The following NPHP4 variants were observed in gnomAD, a reference collection of about 807,000 sequenced individuals.
NPHP4 encodes nephrocystin 4, also known as nephrocystin-4.
Under a neutral mutation model 155.8 loss-of-function variants are expected in NPHP4, and 151 were observed. That is an observed-to-expected ratio of 0.97 (90% CI 0.85 to 1.11). The LOEUF (loss-of-function observed/expected upper bound fraction) is 1.11. Among genes scored for constraint, NPHP4 ranks in the 50% least tolerant of loss-of-function variants. The pLI is 0.00. For missense variants in NPHP4, 1,956 were observed against 1,925.7 expected, an observed-to-expected ratio of 1.02 and a Z score of -0.29; for synonymous variants, 845 against 816.8, an observed-to-expected ratio of 1.03 and a Z score of -0.59.
rs190826158 is a variant in NPHP4, at chr1:5,927,569, G to A, written c.1441+80C>T. ...TACAAATGTGGTGATTACCGTACTA[G>A]ACTAAGTACCTTTCCCCGGGAAGAG... On this transcript the variant is annotated intron_variant, in intron 11 of 29. Coordinates refer to ENST00000378156, the MANE Select transcript of NPHP4 (RefSeq NM_015102.5). 1.3e-5 allele frequency: 19 copies of A among 1,425,226 alleles called. No homozygotes were observed. In the African/African-American group the frequency reaches 2.1e-4, roughly 16 times the overall value. The allele number at this position is 1,425,226 out of a possible 1,614,324, so 88.3% of individuals were successfully genotyped here.
intron 5 of NPHP4, among the ~76,000 whole-genome samples, chr1:5,966,688 C>T (rs563968180): frequency 9.2e-5 from 14 of 152,170 alleles, no homozygotes; most frequent in Non-Finnish European, 1.6e-4. Context: ...CCACACTCCC[C>T]CAACTGCTAG....
chr1:5,896,039 A>G (rs1052021824), intron 16 of NPHP4, among the ~76,000 whole-genome samples: 1 of 152,244 alleles, frequency 6.6e-6, no homozygotes, highest in Non-Finnish European at 1.5e-5. Flanking sequence ...GGAGCAGAAG[A>G]GTGTATTTGG....
At chr1:5,914,923 C>T (rs76912896) in intron 11 of NPHP4, among the ~76,000 whole-genome samples, 2 of 152,336 alleles carry the variant, frequency 1.3e-5, no homozygotes, top group East Asian at 1.9e-4. Flanking sequence ...TAGACCTCCC[C>T]CCCGCACCCT....
intron 19 of NPHP4, among the ~76,000 whole-genome samples, chr1:5,877,655 G>T (rs1335518765): frequency 6.6e-6 from 1 of 152,214 alleles, no homozygotes; most frequent in Non-Finnish European, 1.5e-5. Context: ...CCTTCACCCA[G>T]GGCTGCTGGC....
chr1:5,903,421 C>T lies in NPHP4; in HGVS notation c.2143+1196G>A, dbSNP rs74049310. 2.2e-3 allele frequency among the ~76,000 whole-genome samples: 330 copies of T among 152,284 alleles called. 1 individual carries two copies. Among genetic ancestry groups the T allele is most frequent in the African/African-American group, 7.7e-3 (319 of 41,548 alleles). ...ACTTCATTTGAGGTCAGCATTTTAA[C>T]ATCACTTTTCCCATCTGCCACTTTC... On this transcript the variant is annotated intron_variant, in intron 16 of 29. Transcript: ENST00000378156.
At chr1:5,909,663 G>A (rs1025332855) in intron 11 of NPHP4, among the ~76,000 whole-genome samples, 2 of 152,078 alleles carry the variant, frequency 1.3e-5, no homozygotes, top group African/African-American at 4.8e-5. Flanking sequence ...GCGGCCTCAC[G>A]AACACCCACT....
chr1:5,879,201 A>G, intron 19 of NPHP4: 2 of 227,980 alleles, frequency 8.8e-6, no homozygotes, highest in South Asian at 5.7e-5. Flanking sequence ...CCACAGCTCC[A>G]AGGCCCAGCA....
intron 16 of NPHP4, among the ~76,000 whole-genome samples, chr1:5,899,246 CA>C (rs1005131531): frequency 5.9e-5 from 9 of 152,146 alleles, no homozygotes; most frequent in African/African-American, 2.2e-4. Context: ...GCAGAAGAGC[CA>C]AAAACTAGAA....
intron 16 of NPHP4, among the ~76,000 whole-genome samples, chr1:5,895,983 G>A (rs1213050847): frequency 2.0e-5 from 3 of 152,216 alleles, no homozygotes; most frequent in Non-Finnish European, 4.4e-5. Context: ...CACAGGCGAC[G>A]TCTGCGCAGC....
intron 6 of NPHP4, among the ~76,000 whole-genome samples, chr1:5,956,334 C>A (rs1344775032): frequency 6.6e-6 from 1 of 152,216 alleles, no homozygotes; most frequent in Non-Finnish European, 1.5e-5. Context: ...AAAAGCCATT[C>A]CAATAGTTGT....
At chr1:5,975,986 G>A (rs1188539845) in intron 3 of NPHP4, among the ~76,000 whole-genome samples, 1 of 152,216 alleles carries the variant, frequency 6.6e-6, no homozygotes, top group Non-Finnish European at 1.5e-5. Flanking sequence ...AGGGAGAGCT[G>A]AAGTCAGAGG....
chr1:5,915,834 G>A (rs143288138), intron 11 of NPHP4, among the ~76,000 whole-genome samples: 1 of 152,288 alleles, frequency 6.6e-6, no homozygotes, highest in East Asian at 1.9e-4. Flanking sequence ...CCATTCCGTG[G>A]TTGGAGGGTG....
chr1:5,941,289 C>CAAAAAAAA (rs66676950), intron 9 of NPHP4, among the ~76,000 whole-genome samples: 18 of 44,762 alleles, frequency 4.0e-4, no homozygotes, highest in African/African-American at 1.2e-3. Context: ...GAGATCTAGA[C>CAAAAAAAA]AAAAAAAAAA....
chr1:5,955,099 G>A (rs991249005), intron 6 of NPHP4, among the ~76,000 whole-genome samples: 5 of 151,284 alleles, frequency 3.3e-5, no homozygotes, highest in Non-Finnish European at 7.4e-5. Flanking sequence ...CTCAAAAGAA[G>A]ACGTTCGAAT....
intron 11 of NPHP4, among the ~76,000 whole-genome samples, chr1:5,919,011 T>A (rs961998815): frequency 2.2e-4 from 34 of 152,316 alleles, no homozygotes; most frequent in African/African-American, 7.9e-4. Flanking sequence ...CAAACTATGG[T>A]CCACAGGTCG....
intron 2 of NPHP4, 52 bp from the exon 3 acceptor site, chr1:5,978,465 G>C (rs1477085791): frequency 1.3e-6 from 2 of 1,556,996 alleles, no homozygotes; most frequent in Admixed American, 1.9e-5. Flanking sequence ...CATGAGCCAG[G>C]AGGTCACTGG....
rs542244432 is a variant in NPHP4, at chr1:5,882,695, C to T, written c.2486-2456G>A. ...TGGGAACGAGCACCTAGAACAAGGGCTATTTCGGTCCTCTCCCTGTTGCTC... is the reference window on the plus strand; with the variant it reads ...TGGGAACGAGCACCTAGAACAAGGGTTATTTCGGTCCTCTCCCTGTTGCTC... On this transcript the variant is annotated intron_variant, in intron 18 of 29. Transcript: ENST00000378156. This position sits in a 1 kb window ranked among gnomAD's most constrained non-coding sequence, Gnocchi z 5.1. 6.5e-6 allele frequency: 1 copy of T among 152,836 alleles called. No homozygotes were observed. The highest frequency in any genetic ancestry group is 2.1e-4 in the South Asian group (1 of 4,854). 9.5% of individuals were successfully genotyped at this position (152,836 alleles called of 1,614,324 possible).
chr1:5,920,429 T>C (rs1645684861), intron 11 of NPHP4, among the ~76,000 whole-genome samples: 1 of 152,194 alleles, frequency 6.6e-6, no homozygotes, highest in African/African-American at 2.4e-5. Flanking sequence ...GTGCTCCAGC[T>C]GCTCCTGCCC....
Position 5,895,945 on chromosome 1 carries a change from A to T in NPHP4, c.2144-4917T>A, listed in dbSNP as rs1415773272. Reference sequence around the variant, plus strand: ...CAGGTGACGTCTGTGCAGCCCACAGAGCATGACGCAGCTACCGTAGAGACG... The same window carrying T: ...CAGGTGACGTCTGTGCAGCCCACAGTGCATGACGCAGCTACCGTAGAGACG... On this transcript the variant is annotated intron_variant, in intron 16 of 29. Coordinates refer to ENST00000378156, the MANE Select transcript of NPHP4 (RefSeq NM_015102.5). Among the ~76,000 whole-genome samples the T allele has an allele frequency of 7.9e-5, 12 of 152,022 alleles. No individual in the cohort carries two copies. In the South Asian group the frequency reaches 2.1e-3, roughly 26 times the overall value.
Sources: allele counts gnomAD v4.1 joint callset (sites outside exome capture counted in the v4.1 genomes callset), GRCh38; gene constraint gnomAD v4.1.1; non-coding constraint Gnocchi (gnomAD v3.1); transcripts MANE v1.5; gene names NCBI Gene and HGNC (gene_info 2026-07-23, HGNC 2026-07-21).